The following UGGT2 variants were observed in gnomAD, a reference collection of about 807,000 sequenced individuals.
UGGT2 encodes UDP-glucose glycoprotein glucosyltransferase 2.
In UGGT2, 180 loss-of-function variants were observed where a neutral mutation model predicts 192.1. The observed-to-expected ratio is 0.94, with a 90% CI of 0.83 to 1.06. The LOEUF is 1.06. Ranked by LOEUF, UGGT2 falls within the 50% of genes least tolerant of loss-of-function variation. The pLI is 0.00. For missense variants in UGGT2, 1,849 were observed against 1,795.7 expected (o/e 1.03, Z -0.54); for synonymous variants, 580 against 591.0 (o/e 0.98, Z 0.27).
chr13:95,833,139 A>G, intron 37 of UGGT2, 86 bp from the exon 38 acceptor site: 1 of 1,453,354 alleles, frequency 6.9e-7, no homozygotes, highest in East Asian at 2.5e-5. Flanking sequence ...CAAACAAAAT[A>G]CATTTTATAA....
chr13:95,870,680 C>T (rs147121353), intron 29 of UGGT2, among the ~76,000 whole-genome samples: 5 of 152,310 alleles, frequency 3.3e-5, no homozygotes, highest in African/African-American at 4.8e-5. Context: ...CTTCCCAATA[C>T]GATGTAAAAG....
At chr13:95,926,733 C>T (rs2049026534) in intron 19 of UGGT2, among the ~76,000 whole-genome samples, 2 of 151,988 alleles carry the variant, frequency 1.3e-5, no homozygotes, top group African/African-American at 2.4e-5. Flanking sequence ...GGTAATTGTA[C>T]TTTTCTGTAT....
At chr13:95,849,696 T>A (rs1888833488) in intron 36 of UGGT2, among the ~76,000 whole-genome samples, 1 of 151,850 alleles carries the variant, frequency 6.6e-6, no homozygotes, top group Non-Finnish European at 1.5e-5. Flanking sequence ...AAATTTTTAT[T>A]TTTGGTTCAG....
intron 19 of UGGT2, among the ~76,000 whole-genome samples, 190 bp from the exon 20 acceptor site, chr13:95,925,964 T>C (rs1594345138): frequency 6.6e-6 from 1 of 151,978 alleles, no homozygotes; most frequent in Non-Finnish European, 1.5e-5. Flanking sequence ...TAAATACATA[T>C]AAAATTACAT....
At chr13:95,986,541 C>A (rs762292703) in intron 8 of UGGT2, 109 bp from the exon 9 acceptor site, 17 of 742,296 alleles carry the variant, frequency 2.3e-5, no homozygotes, top group Non-Finnish European at 3.6e-5. Flanking sequence ...TATTAGTATA[C>A]AAACATGTTA....
At chr13:95,931,912 C>A (rs1452180677) in intron 17 of UGGT2, among the ~76,000 whole-genome samples, 1 of 152,176 alleles carries the variant, frequency 6.6e-6, no homozygotes, top group East Asian at 1.9e-4. Flanking sequence ...TGAAGGGCTC[C>A]TCGAGCATGG....
chr13:96,047,106 G>C (rs1055009736), intron 1 of UGGT2, among the ~76,000 whole-genome samples: 1 of 152,202 alleles, frequency 6.6e-6, no homozygotes, highest in African/African-American at 2.4e-5. Context: ...CTGTCTGACA[G>C]CTTTGAAGAG....
chr13:96,023,031 T>C lies in UGGT2; in HGVS notation c.485+9A>G, dbSNP rs372042026. On this transcript the variant is annotated intron_variant, in intron 4 of 38. Coordinates refer to ENST00000376747, the MANE Select transcript of UGGT2 (RefSeq NM_020121.4). ...CCACTTCTTTCATTATAGGCTATTA[T>C]TAATTTACCTTGAAGCAGCTTTCTT... The C allele has an allele frequency of 2.6e-6, 4 of 1,567,554 alleles. No homozygotes were observed. Among genetic ancestry groups the C allele is most frequent in the Admixed American group, 1.8e-5 (1 of 56,582 alleles).
chr13:95,983,937 T>A, intron 9 of UGGT2, 73 bp from the exon 10 acceptor site: 1 of 967,872 alleles, frequency 1.0e-6, no homozygotes, highest in Non-Finnish European at 1.4e-6. Flanking sequence ...CCCAATGTAA[T>A]CTAATACTTT....
At chr13:95,996,564 A>T (rs528312381) in intron 6 of UGGT2, among the ~76,000 whole-genome samples, 6 of 152,028 alleles carry the variant, frequency 3.9e-5, no homozygotes, top group Non-Finnish European at 7.4e-5. Flanking sequence ...TTTTTCCTTC[A>T]TGGACCAGAT....
chr13:95,807,653 G>A (rs1884368255), intron 38 of UGGT2, among the ~76,000 whole-genome samples: 1 of 141,524 alleles, frequency 7.1e-6, no homozygotes, highest in African/African-American at 2.6e-5. Context: ...TTCTTCTGGT[G>A]TGGTGTCTTC....
chr13:96,002,203 CAG>C (rs1168153664), intron 5 of UGGT2, among the ~76,000 whole-genome samples: 1 of 152,194 alleles, frequency 6.6e-6, no homozygotes, highest in African/African-American at 2.4e-5. Flanking sequence ...CCTTATCTGA[CAG>C]AGAATCATAG....
At chr13:95,925,306 C>T (rs990710003) in intron 20 of UGGT2, among the ~76,000 whole-genome samples, 5 of 152,022 alleles carry the variant, frequency 3.3e-5, no homozygotes, top group African/African-American at 4.8e-5. Context: ...AAAGAAAATG[C>T]TGCTTAATTA....
intron 20 of UGGT2, among the ~76,000 whole-genome samples, chr13:95,912,080 C>T (rs1253954680): frequency 6.6e-6 from 1 of 152,148 alleles, no homozygotes; most frequent in Non-Finnish European, 1.5e-5. Flanking sequence ...ATTGATGGAA[C>T]ATATCTCAAA....
At chr13:95,849,035 A>G (rs935394921) in intron 36 of UGGT2, among the ~76,000 whole-genome samples, 3 of 152,164 alleles carry the variant, frequency 2.0e-5, no homozygotes, top group African/African-American at 7.2e-5. Context: ...GCTAATTTAA[A>G]TGATACTGTG....
intron 29 of UGGT2, 50 bp downstream of exon 29, chr13:95,877,229 C>T: frequency 2.1e-6 from 3 of 1,418,150 alleles, no homozygotes; most frequent in South Asian, 1.4e-5. Flanking sequence ...TTGTATTACA[C>T]TAAAAACGTA....
At chr13:95,906,038 T>C (rs554739139) in intron 20 of UGGT2, among the ~76,000 whole-genome samples, 1 of 152,344 alleles carries the variant, frequency 6.6e-6, no homozygotes, top group East Asian at 1.9e-4. Flanking sequence ...CTTGTGCTGA[T>C]ACCAAACTGT....
chr13:95,826,346 A>G (rs1488692412), intron 38 of UGGT2, among the ~76,000 whole-genome samples: 4 of 152,168 alleles, frequency 2.6e-5, no homozygotes, highest in East Asian at 3.9e-4. Flanking sequence ...TATTAGATGT[A>G]TAAGTCAAAG....
intron 2 of UGGT2, among the ~76,000 whole-genome samples, chr13:96,027,815 G>T (rs2052714804): frequency 6.6e-6 from 1 of 152,188 alleles, no homozygotes; most frequent in Non-Finnish European, 1.5e-5. Flanking sequence ...CCAGTGAAAT[G>T]GTTCTCACCA....
Sources: gnomAD v4.1 joint callset for allele counts (sites outside exome capture counted in the v4.1 genomes callset) on GRCh38, gnomAD v4.1.1 for gene constraint, MANE v1.5 for transcripts, NCBI Gene and HGNC (gene_info 2026-07-23, HGNC 2026-07-21) for gene names.